Variants in ZNG1E observed in about 807,000 individuals in gnomAD.
ZNG1E encodes the protein Zn regulated GTPase metalloprotein activator 1E, also known as zinc-regulated GTPase metalloprotein activator 1E.
the ZNG1E span, among the ~76,000 whole-genome samples, chr9:65,663,178 G>A: frequency 6.6e-6 from 1 of 152,282 alleles, no homozygotes; most frequent in South Asian, 2.1e-4. Context: ...AGAACAAGTA[G>A]CTCCTCAGGC....
chr9:65,668,085 T>A, the ZNG1E span, among the ~76,000 whole-genome samples: 6 of 146,724 alleles, frequency 4.1e-5, no homozygotes, highest in Non-Finnish European at 9.0e-5. Flanking sequence ...GAAAGCAAGC[T>A]CCAGAACAAA....
the ZNG1E span, among the ~76,000 whole-genome samples, chr9:65,725,443 A>T: frequency 7.4e-6 from 1 of 134,386 alleles, no homozygotes; most frequent in Non-Finnish European, 1.6e-5. Flanking sequence ...GACCCCTGGT[A>T]ACCACCATTT....
chr9:65,709,412 T>G, the ZNG1E span, among the ~76,000 whole-genome samples: 6 of 147,228 alleles, frequency 4.1e-5, no homozygotes, highest in Admixed American at 4.1e-4. Context: ...GCAGGTTAGT[T>G]ACATATGTAT....
the ZNG1E span, chr9:65,703,751 T>G: frequency 2.1e-6 from 2 of 967,444 alleles, no homozygotes; most frequent in Non-Finnish European, 2.4e-6. Context: ...AGGCCTTAGA[T>G]GAGTGGCTTG....
chr9:65,720,972 T>TAAAA, the ZNG1E span, among the ~76,000 whole-genome samples: 38 of 138,850 alleles, frequency 2.7e-4, no homozygotes, highest in East Asian at 2.3e-3. Flanking sequence ...GAATTTATGG[T>TAAAA]AAAAAAAAAA....
At chr9:65,664,087 C>T in the ZNG1E span, among the ~76,000 whole-genome samples, 2 of 152,162 alleles carry the variant, frequency 1.3e-5, no homozygotes, top group South Asian at 4.2e-4. Flanking sequence ...GAACAAATTG[C>T]TTCTTTCACC....
At chr9:65,658,483 A>G in the ZNG1E span, among the ~76,000 whole-genome samples, 8 of 151,796 alleles carry the variant, frequency 5.3e-5, no homozygotes, top group Non-Finnish European at 1.0e-4. Context: ...AGATCCACAA[A>G]GAGCAACAGA....
the ZNG1E span, among the ~76,000 whole-genome samples, chr9:65,661,021 T>A: frequency 8.8e-5 from 13 of 147,828 alleles, no homozygotes; most frequent in Non-Finnish European, 1.9e-4. Context: ...TGGCCACAAC[T>A]TGCTCCAGCT....
chr9:65,671,308 AG>A, the ZNG1E span, among the ~76,000 whole-genome samples: 1 of 151,454 alleles, frequency 6.6e-6, no homozygotes, highest in Non-Finnish European at 1.5e-5. Context: ...GAAACAGTAT[AG>A]AAAAAAAAAA....
chr9:65,683,899 C>G, the ZNG1E span, among the ~76,000 whole-genome samples: 4 of 152,406 alleles, frequency 2.6e-5, no homozygotes, highest in Admixed American at 2.6e-4. Flanking sequence ...TTATTTGAAT[C>G]TGGTAAGAAA....
chr9:65,707,047 GT>G, the ZNG1E span: 2 of 113,786 alleles, frequency 1.8e-5, no homozygotes, highest in Non-Finnish European at 3.5e-5. Flanking sequence ...ATCTCACTGT[GT>G]CCCCCAAGTT....
At chr9:65,686,764 A>G in the ZNG1E span, among the ~76,000 whole-genome samples, 4 of 152,222 alleles carry the variant, frequency 2.6e-5, no homozygotes, top group Non-Finnish European at 4.4e-5. Flanking sequence ...TTCCCCTTGC[A>G]CTTTTATGTT....
the ZNG1E span, among the ~76,000 whole-genome samples, chr9:65,667,340 A>G: frequency 6.6e-6 from 1 of 152,372 alleles, no homozygotes; most frequent in East Asian, 1.9e-4. Context: ...ACAATCCAAA[A>G]TATGAGTTTG....
chr9:65,716,311 T>C, the ZNG1E span, among the ~76,000 whole-genome samples: 1 of 132,484 alleles, frequency 7.5e-6, no homozygotes, highest in South Asian at 2.7e-4. Flanking sequence ...TGTGTCACCA[T>C]GCCTGACTAA....
At chr9:65,684,929 C>A in the ZNG1E span, among the ~76,000 whole-genome samples, 1 of 151,490 alleles carries the variant, frequency 6.6e-6, no homozygotes, top group African/African-American at 2.4e-5. Context: ...ATGTGACAGG[C>A]CTGTAGTCCC....
chr9:65,691,217 G>A, the ZNG1E span, among the ~76,000 whole-genome samples: 1 of 150,654 alleles, frequency 6.6e-6, no homozygotes. Context: ...CGAGTAGCTG[G>A]GACTACAGGC....
chr9:65,676,536 G>A, the ZNG1E span, among the ~76,000 whole-genome samples: 1 of 147,942 alleles, frequency 6.8e-6, no homozygotes, highest in East Asian at 1.9e-4. Context: ...AGGATGTCCC[G>A]TCTGTAAAAT....
the ZNG1E span, among the ~76,000 whole-genome samples, chr9:65,661,828 G>A: frequency 2.0e-5 from 3 of 152,236 alleles, no homozygotes; most frequent in African/African-American, 7.2e-5. Flanking sequence ...ACTGGATTGG[G>A]ATGATTGTGG....
chr9:65,705,000 GTT>G, the ZNG1E span: 1 of 139,366 alleles, frequency 7.2e-6, no homozygotes, highest in East Asian at 2.0e-4. Flanking sequence ...TTTATTTTTT[GTT>G]TTTTTAAATT....
Sources: allele counts gnomAD v4.1 joint callset (sites outside exome capture counted in the v4.1 genomes callset), GRCh38; gene constraint gnomAD v4.1.1; transcripts MANE v1.5; gene names NCBI Gene and HGNC (gene_info 2026-07-23, HGNC 2026-07-21).